Variants in SUCO observed in about 807,000 individuals in gnomAD.
SUCO encodes the protein SUN domain-containing ossification factor.
Under a neutral mutation model 148.1 loss-of-function variants are expected in SUCO, and 57 were observed. The observed-to-expected ratio is 0.38, with a 90% CI of 0.31 to 0.48. SUCO has a LOEUF of 0.48. Among genes scored for constraint, SUCO ranks in the 20% least tolerant of loss-of-function variants. The pLI, the probability that SUCO is intolerant of heterozygous loss-of-function variation, is 0.96. For missense variants in SUCO, 1,331 were observed against 1,468.2 expected (o/e 0.91, Z 1.53); for synonymous variants, 470 against 502.7 (o/e 0.93, Z 0.87).
At chr1:172,554,748 A>C (rs917190877) in intron 3 of SUCO, among the ~76,000 whole-genome samples, 4 of 152,226 alleles carry the variant, frequency 2.6e-5, no homozygotes, top group African/African-American at 9.6e-5. Context: ...AAAAAAAAAA[A>C]AAAAAGCATG....
intron 9 of SUCO, 35 bp from the exon 10 acceptor site, chr1:172,573,856 T>C (rs748629502): frequency 1.7e-6 from 2 of 1,158,784 alleles, no homozygotes; most frequent in South Asian, 2.6e-5. Context: ...GTTATTTTGA[T>C]TGGTTTAAGT....
chr1:172,560,182 G>A (rs1654049002), intron 6 of SUCO, among the ~76,000 whole-genome samples: 1 of 152,188 alleles, frequency 6.6e-6, no homozygotes, highest in Non-Finnish European at 1.5e-5. Context: ...TTGCTAAGAG[G>A]TTAAACGAGC....
chr1:172,542,842 T>C (rs887900327), intron 1 of SUCO: 4 of 985,212 alleles, frequency 4.1e-6, no homozygotes, highest in Non-Finnish European at 3.6e-6. Flanking sequence ...TGGAAAGAGA[T>C]TTAAGGAAGT....
intron 22 of SUCO, among the ~76,000 whole-genome samples, chr1:172,605,459 G>C (rs1166432627): frequency 1.3e-5 from 2 of 151,740 alleles, no homozygotes; most frequent in Non-Finnish European, 3.0e-5. Context: ...TCTTAAAAAT[G>C]AGTTGACCAC....
intron 19 of SUCO, among the ~76,000 whole-genome samples, chr1:172,595,373 C>A (rs1193947449): frequency 6.6e-6 from 1 of 152,168 alleles, no homozygotes; most frequent in Non-Finnish European, 1.5e-5. Flanking sequence ...TCTTCCTAGC[C>A]TTGATGGTCT....
At chr1:172,536,122 A>G (rs1277088804) in intron 1 of SUCO, among the ~76,000 whole-genome samples, 1 of 152,178 alleles carries the variant, frequency 6.6e-6, no homozygotes, top group African/African-American at 2.4e-5. Context: ...TAAGAACCCT[A>G]TAAGATAGGT....
intron 1 of SUCO, chr1:172,550,795 A>C (rs1016339353): frequency 5.0e-6 from 2 of 402,482 alleles, no homozygotes; most frequent in African/African-American, 4.4e-5. Context: ...ATGGATGTAT[A>C]AGTTTATCAG....
At chr1:172,565,466 T>A (rs1571220082) in intron 6 of SUCO, among the ~76,000 whole-genome samples, 1 of 152,334 alleles carries the variant, frequency 6.6e-6, no homozygotes, top group African/African-American at 2.4e-5. Flanking sequence ...CCTAAAGGAA[T>A]GTCAATGCCA....
intron 1 of SUCO, chr1:172,543,004 ATTTG>A (rs1652595583): frequency 1.0e-6 from 1 of 985,150 alleles, no homozygotes; most frequent in African/African-American, 1.7e-5. Context: ...AATTCCACAC[ATTTG>A]TTTGGTAGCC....
intron 9 of SUCO, among the ~76,000 whole-genome samples, chr1:172,571,140 G>T (rs1274914146): frequency 1.3e-5 from 2 of 152,256 alleles, no homozygotes; most frequent in Admixed American, 1.3e-4. Flanking sequence ...TGCCATCTCG[G>T]CACACTGCAG....
chr1:172,589,798 T>C lies in SUCO; in HGVS notation c.2697T>C (p.Tyr899=), dbSNP rs775400422. The change falls in exon 18 of 24, where the codon TAT becomes TAC. Residue 899 remains tyrosine, a synonymous_variant. Transcript: ENST00000263688. ...TGCAAAATTCTACAGATCTAGGATA[T>C]GCTAATGGAAATCTTGTACATGGAT... The part of the protein sequence containing the change: ...AELQNSTDLG[Y]ANGNLVHGSN... 4 of 1,612,046 alleles carry C rather than the reference T, an allele frequency of 2.5e-6. No homozygotes were observed. Among genetic ancestry groups the C allele is most frequent in the Admixed American group, 3.4e-5 (2 of 59,542 alleles).
At position 172,568,564 on chromosome 1, in the gene SUCO, T is replaced by A. The variant is rs1307805768; in HGVS notation, c.733-455T>A. 1.8e-5 allele frequency: 9 copies of A among 490,300 alleles called. No homozygotes were observed. In the African/African-American group the frequency reaches 1.9e-4, roughly 10 times the overall value. 30.4% of individuals were successfully genotyped at this position (490,300 alleles called of 1,614,324 possible). On this transcript the variant is annotated intron_variant, in intron 6 of 23. Coordinates refer to ENST00000263688, the MANE Select transcript of SUCO (RefSeq NM_014283.5). ...TTTTTTCACATTTAGAATTTTTAAT[T>A]TGCCTTAAAATTTTTGTGTACACAG...
intron 3 of SUCO, among the ~76,000 whole-genome samples, chr1:172,553,723 T>G (rs1653490116): frequency 2.0e-5 from 3 of 152,214 alleles, no homozygotes; most frequent in Admixed American, 1.3e-4. Context: ...AGTATTTTTA[T>G]GTAGAACACA....
In SUCO at chr1:172,553,292, A is replaced by G. The variant is rs571459508; in HGVS notation, c.210A>G (p.Ser70=). ...DEREGPINAE[S]LGKSGSNLPI... ...GAGAGGGACCTATCAATGCCGAATC[A>G]TTGGGAAAATCAGGTTCAAATTTAC... Residue 70 remains serine, a synonymous_variant, in exon 3 of 24, where the codon TCA becomes TCG. Coordinates refer to ENST00000263688, the MANE Select transcript of SUCO (RefSeq NM_014283.5). The G allele has an allele frequency of 4.4e-6, 7 of 1,600,162 alleles. No homozygotes were observed. In the Admixed American group the frequency reaches 1.0e-4, roughly 23 times the overall value.
intron 22 of SUCO, 178 bp downstream of exon 22, chr1:172,602,965 C>T (rs1571295546): frequency 3.6e-6 from 2 of 555,378 alleles, no homozygotes; most frequent in East Asian, 3.1e-5. Context: ...TGTCTTTGTT[C>T]CTAAAAGCCC....
chr1:172,580,582 A>T (rs1315594656), intron 15 of SUCO, among the ~76,000 whole-genome samples: 1 of 152,154 alleles, frequency 6.6e-6, no homozygotes, highest in African/African-American at 2.4e-5. Flanking sequence ...TCTGCCATTT[A>T]TGTAGCTCAG....
chr1:172,607,862 T>C (rs1423494805), intron 22 of SUCO, among the ~76,000 whole-genome samples: 1 of 152,016 alleles, frequency 6.6e-6, no homozygotes, highest in African/African-American at 2.4e-5. Flanking sequence ...ATCTCTGAAA[T>C]ATAATGTAAA....
Position 172,611,487 on chromosome 1 carries a change from TTAG to T in SUCO, c.*1233_*1235del, listed in dbSNP as rs2149277406. The T allele has an allele frequency of 6.5e-6, 1 of 152,802 alleles. No individual in the cohort carries two copies. Among genetic ancestry groups the T allele is most frequent in the South Asian group, 2.1e-4 (1 of 4,830 alleles). The allele number at this position is 152,802 out of a possible 1,614,324, so 9.5% of individuals were successfully genotyped here. On this transcript the variant is annotated 3_prime_UTR_variant, in exon 24 of 24. Coordinates refer to ENST00000263688, the MANE Select transcript of SUCO (RefSeq NM_014283.5). ...TTAAGTTATAACTTATTGAGCACTT[TTAG>T]TAGTGATAACTGTTTTTAAACTTGC...
At position 172,570,796 on chromosome 1, in the gene SUCO, A is replaced by G. The variant is rs1654904847; in HGVS notation, c.1049+66A>G. ...TATGCATATTATGTTAAGCTTTTAC[A>G]TTAGGGTTACATTGACATATAATAA... On this transcript the variant is annotated intron_variant, in intron 9 of 23. Transcript: ENST00000263688. 4 of 977,786 alleles carry G rather than the reference A, an allele frequency of 4.1e-6. No homozygotes were observed. In the African/African-American group the frequency reaches 4.9e-5, roughly 12 times the overall value. The allele number at this position is 977,786 out of a possible 1,614,324, so 60.6% of individuals were successfully genotyped here. A position where few individuals can be genotyped will look rare whatever the true frequency, so the allele number is the denominator to read the frequency against.
Sources: allele counts gnomAD v4.1 joint callset (sites outside exome capture counted in the v4.1 genomes callset), GRCh38; gene constraint gnomAD v4.1.1; transcripts MANE v1.5; gene names NCBI Gene and HGNC (gene_info 2026-07-23, HGNC 2026-07-21).